KIAA0319: variants seen among roughly 807,000 people sequenced by gnomAD.
KIAA0319 encodes dyslexia-associated protein KIAA0319.
Under a neutral mutation model 108.4 loss-of-function variants are expected in KIAA0319, and 83 were observed. The observed-to-expected ratio is 0.77, with a 90% CI of 0.64 to 0.92. The LOEUF is 0.92. KIAA0319 is among the 40% of genes least tolerant of loss of function. KIAA0319 has a pLI of 0.00. For missense variants in KIAA0319, 1,195 were observed against 1,322.4 expected, an observed-to-expected ratio of 0.90 and a Z score of 1.49; for synonymous variants, 484 against 510.4, an observed-to-expected ratio of 0.95 and a Z score of 0.70.
At chr6:24,598,960 A>C in intron 2 of KIAA0319, 1 of 625,774 alleles carries the variant, frequency 1.6e-6, no homozygotes, top group Non-Finnish European at 3.0e-6. Flanking sequence ...GATGAAGCTT[A>C]CATGAACAAG....
rs993061307 is a variant in KIAA0319 at position 24,579,969 on chromosome 6, C to G, written c.1280-19G>C. ...CTTCTGGCTGTAACAAAAAAAAGGACAGTGACTGAGCCCATCTTGTGTAGG... is the reference window on the plus strand; with the variant it reads ...CTTCTGGCTGTAACAAAAAAAAGGAGAGTGACTGAGCCCATCTTGTGTAGG... On this transcript the variant is annotated intron_variant, in intron 7 of 20. Coordinates refer to ENST00000378214, the MANE Select transcript of KIAA0319 (RefSeq NM_014809.4). The G allele has an allele frequency of 2.0e-5, 31 of 1,559,382 alleles. No homozygotes were observed. The African/African-American group carries it at 3.8e-4, about 19-fold the overall frequency.
At chr6:24,582,502 T>A (rs1045354178) in intron 5 of KIAA0319, among the ~76,000 whole-genome samples, 156 bp from the exon 6 acceptor site, 41 of 151,738 alleles carry the variant, frequency 2.7e-4, no homozygotes, top group East Asian at 7.7e-4. Flanking sequence ...ATATATATAT[T>A]TTTTGTTTAT....
intron 20 of KIAA0319, among the ~76,000 whole-genome samples, chr6:24,549,200 C>T (rs1761072495): frequency 6.6e-6 from 1 of 151,942 alleles, no homozygotes; most frequent in South Asian, 2.1e-4. Flanking sequence ...TGGACAGGTG[C>T]CTGTAATCCC....
At chr6:24,561,535 C>G (rs1486417185) in intron 16 of KIAA0319, among the ~76,000 whole-genome samples, 1 of 152,076 alleles carries the variant, frequency 6.6e-6, no homozygotes, top group African/African-American at 2.4e-5. Flanking sequence ...CCATAATATT[C>G]TCTTATAATC....
chr6:24,582,492 A>G, intron 5 of KIAA0319, 146 bp from the exon 6 acceptor site: 1 of 345,180 alleles, frequency 2.9e-6, no homozygotes, highest in African/African-American at 2.2e-5. Context: ...TTTTTAACTT[A>G]TATATATATT....
chr6:24,565,710 G>A (rs557077034), intron 14 of KIAA0319, among the ~76,000 whole-genome samples: 9 of 130,556 alleles, frequency 6.9e-5, no homozygotes, highest in South Asian at 2.4e-4. Context: ...CCGAGATTGC[G>A]CCACTGCACT....
chr6:24,630,524 A>G (rs12181329), intron 1 of KIAA0319, among the ~76,000 whole-genome samples: 26 of 105,496 alleles, frequency 2.5e-4, no homozygotes, highest in Admixed American at 5.2e-4. Flanking sequence ...AAAAAAAAAA[A>G]AAAAAAAGAA....
intron 1 of KIAA0319, among the ~76,000 whole-genome samples, chr6:24,613,002 C>T (rs1311755152): frequency 1.3e-5 from 2 of 152,100 alleles, no homozygotes; most frequent in African/African-American, 4.8e-5. Context: ...GGTTTCACCA[C>T]GTTAGCCAGG....
chr6:24,588,442 T>C (rs911616968), intron 4 of KIAA0319, 151 bp downstream of exon 4: 2 of 674,582 alleles, frequency 3.0e-6, no homozygotes, highest in African/African-American at 3.6e-5. Flanking sequence ...TTATTCATCT[T>C]TTTATTCCCA....
chr6:24,589,948 T>C (rs984161038), intron 3 of KIAA0319, among the ~76,000 whole-genome samples: 2 of 152,170 alleles, frequency 1.3e-5, no homozygotes, highest in East Asian at 1.9e-4. Context: ...TCTCATAATA[T>C]GATAATAAAA....
At chr6:24,556,384 G>A (rs982950594) in intron 18 of KIAA0319, among the ~76,000 whole-genome samples, 9 of 152,062 alleles carry the variant, frequency 5.9e-5, no homozygotes, top group African/African-American at 1.7e-4. Flanking sequence ...TGTCCAAGCT[G>A]GTTTGGACCT....
At chr6:24,627,900 A>T (rs2143341) in intron 1 of KIAA0319, among the ~76,000 whole-genome samples, 107,415 of 151,888 alleles carry the variant, frequency 0.71, 38,636 homozygotes, top group East Asian at 0.87. Flanking sequence ...AAACTACTCA[A>T]ATAACAGCAT....
intron 4 of KIAA0319, among the ~76,000 whole-genome samples, chr6:24,586,300 A>G (rs1240807802): frequency 6.7e-6 from 1 of 149,812 alleles, no homozygotes; most frequent in Non-Finnish European, 1.5e-5. Context: ...GATTATTTTG[A>G]GCTGTGTTTT....
chr6:24,567,321 A>C (rs1050689355), intron 13 of KIAA0319, among the ~76,000 whole-genome samples: 1 of 152,182 alleles, frequency 6.6e-6, no homozygotes, highest in Non-Finnish European at 1.5e-5. Flanking sequence ...GGGCAACACA[A>C]CAAGTCTCCA....
intron 2 of KIAA0319, among the ~76,000 whole-genome samples, chr6:24,600,441 G>A (rs1283562599): frequency 1.3e-5 from 2 of 152,118 alleles, no homozygotes; most frequent in African/African-American, 2.4e-5. Flanking sequence ...TCCAGGTGCT[G>A]CTGAAAACCC....
chr6:24,644,796 T>A (rs1014187879), intron 1 of KIAA0319, among the ~76,000 whole-genome samples: 15 of 152,172 alleles, frequency 9.9e-5, no homozygotes, highest in Non-Finnish European at 1.6e-4. Context: ...TTACAAATGG[T>A]TAATACAAAT....
chr6:24,645,842 CA>C lies in KIAA0319; in HGVS notation c.-213del, dbSNP rs1777545103. 1.8e-4 allele frequency: 2 copies of C among 11,276 alleles called. No individual in the cohort carries two copies. Among genetic ancestry groups the C allele is most frequent in the African/African-American group, 1.6e-3 (2 of 1,272 alleles). The allele number at this position is 11,276 out of a possible 1,614,324, so 0.7% of individuals were successfully genotyped here. On this transcript the variant is annotated 5_prime_UTR_variant, in exon 1 of 21. Transcript: ENST00000378214. Reference sequence around the variant, plus strand: ...CTCCTCGTCGTCATCGCAGGTCTTACACACACACACACACACACACACACAC... The same window carrying C: ...CTCCTCGTCGTCATCGCAGGTCTTACCACACACACACACACACACACACAC...
At chr6:24,640,960 A>C (rs1463688402) in intron 1 of KIAA0319, among the ~76,000 whole-genome samples, 1 of 152,040 alleles carries the variant, frequency 6.6e-6, no homozygotes, top group East Asian at 1.9e-4. Context: ...GGCCCATTTT[A>C]ACCATTTTTA....
chr6:24,543,363 G>A (rs747899093), downstream of KIAA0319, among the ~76,000 whole-genome samples: 3 of 152,226 alleles, frequency 2.0e-5, no homozygotes, highest in Non-Finnish European at 2.9e-5. Flanking sequence ...TTTCACAGAT[G>A]TGCACACATA....
Sources: gnomAD v4.1 joint callset for allele counts (sites outside exome capture counted in the v4.1 genomes callset) on GRCh38, gnomAD v4.1.1 for gene constraint, MANE v1.5 for transcripts, NCBI Gene and HGNC (gene_info 2026-07-23, HGNC 2026-07-21) for gene names.